Variants in CHRNA7 observed in about 807,000 individuals in gnomAD.
CHRNA7 encodes cholinergic receptor nicotinic alpha 7 subunit.
In CHRNA7, 17 loss-of-function variants were observed where a neutral mutation model predicts 48.0. That is an observed-to-expected ratio of 0.35 (90% CI 0.24 to 0.53). The LOEUF (loss-of-function observed/expected upper bound fraction) is 0.53, where lower values mean the gene tolerates loss of function less well. Ranked by LOEUF, CHRNA7 falls within the 20% of genes least tolerant of loss-of-function variation. The pLI, the probability that CHRNA7 is intolerant of heterozygous loss-of-function variation, is 0.92. For missense variants in CHRNA7, 155 were observed against 577.7 expected (o/e 0.27, Z 7.50); for synonymous variants, 75 against 242.3 (o/e 0.31, Z 6.41).
At chr15:32,063,826 C>G (rs1333852068) in intron 2 of CHRNA7, among the ~76,000 whole-genome samples, 1 of 152,152 alleles carries the variant, frequency 6.6e-6, no homozygotes, top group Non-Finnish European at 1.5e-5. Context: ...TGTCAGGAAC[C>G]ATGGACAAAG....
chr15:32,048,117 T>C (rs1023729457), intron 2 of CHRNA7, among the ~76,000 whole-genome samples: 1 of 152,222 alleles, frequency 6.6e-6, no homozygotes, highest in African/African-American at 2.4e-5. Context: ...ATCAGGGATA[T>C]TGGTCTAAAA....
chr15:32,070,173 A>G (rs2050031276), intron 2 of CHRNA7, among the ~76,000 whole-genome samples: 1 of 152,214 alleles, frequency 6.6e-6, no homozygotes, highest in Non-Finnish European at 1.5e-5. Context: ...CATTCCGACA[A>G]TATAAAGAAC....
intron 2 of CHRNA7, among the ~76,000 whole-genome samples, chr15:32,081,269 A>G (rs1199198938): frequency 4.6e-5 from 7 of 152,212 alleles, no homozygotes; most frequent in Non-Finnish European, 1.0e-4. Context: ...AAACCTGCAC[A>G]TGTATCCCGA....
chr15:32,088,343 A>G (rs2050331263), intron 2 of CHRNA7, among the ~76,000 whole-genome samples: 1 of 152,198 alleles, frequency 6.6e-6, no homozygotes, highest in African/African-American at 2.4e-5. Context: ...CACCTGTTAT[A>G]AGACATCCTG....
chr15:32,123,087 A>T (rs536583921), intron 4 of CHRNA7, among the ~76,000 whole-genome samples: 3 of 152,346 alleles, frequency 2.0e-5, no homozygotes, highest in African/African-American at 7.2e-5. Context: ...AATGAGAAGA[A>T]ACCAAGAAAG....
intron 2 of CHRNA7, among the ~76,000 whole-genome samples, chr15:32,079,782 G>A (rs1399516171): frequency 6.8e-6 from 1 of 147,164 alleles, no homozygotes. Flanking sequence ...CACAAAATTA[G>A]AAAAAAAAAA....
rs1022633116 is a variant in CHRNA7, at chr15:32,047,262, A to G, written c.195+16225A>G. ...ATTGAATCTATAAATTACCTTGGGC[A>G]GTATGGCCATTTTCACGATATTGAT... On this transcript the variant is annotated intron_variant, in intron 2 of 9. Transcript: ENST00000306901. 6.8e-4 allele frequency among the ~76,000 whole-genome samples: 99 copies of G among 146,638 alleles called. No homozygotes were observed. In the South Asian group the frequency reaches 0.021, roughly 30 times the overall value.
chr15:32,049,275 C>G (rs28795395), intron 2 of CHRNA7, among the ~76,000 whole-genome samples: 203 of 151,794 alleles, frequency 1.3e-3, no homozygotes, highest in African/African-American at 4.5e-3. Flanking sequence ...TATTGTGTGG[C>G]AGTCTAAGTC....
chr15:32,096,795 A>G (rs993439072), intron 2 of CHRNA7, among the ~76,000 whole-genome samples: 5 of 152,232 alleles, frequency 3.3e-5, no homozygotes, highest in African/African-American at 1.2e-4. Context: ...GATTATTCAG[A>G]GAGATTGATT....
At chr15:32,133,545 G>A (rs2051193199) in intron 4 of CHRNA7, among the ~76,000 whole-genome samples, 1 of 152,178 alleles carries the variant, frequency 6.6e-6, no homozygotes, top group Non-Finnish European at 1.5e-5. Context: ...GAACTGAGAA[G>A]GCCAGGACCT....
At chr15:32,036,425 T>C (rs1902089645) in intron 2 of CHRNA7, among the ~76,000 whole-genome samples, 1 of 152,174 alleles carries the variant, frequency 6.6e-6, no homozygotes, top group Non-Finnish European at 1.5e-5. Flanking sequence ...GAACATAAGG[T>C]TTCAATCACT....
intron 2 of CHRNA7, among the ~76,000 whole-genome samples, chr15:32,071,888 C>T (rs2050064296): frequency 6.6e-6 from 1 of 151,252 alleles, no homozygotes; most frequent in Non-Finnish European, 1.5e-5. Context: ...ACAAAATGGA[C>T]TAACAGTAAA....
At chr15:32,050,906 G>A (rs1300879042) in intron 2 of CHRNA7, among the ~76,000 whole-genome samples, 1 of 152,144 alleles carries the variant, frequency 6.6e-6, no homozygotes, top group Non-Finnish European at 1.5e-5. Context: ...TTTGCTAGAG[G>A]TCCACTCCAG....
intron 4 of CHRNA7, among the ~76,000 whole-genome samples, chr15:32,126,202 C>G (rs866460056): frequency 5.9e-5 from 9 of 152,278 alleles, no homozygotes; most frequent in African/African-American, 1.7e-4. Flanking sequence ...CTTTGATGTT[C>G]TTAGTAAGCA....
intron 2 of CHRNA7, among the ~76,000 whole-genome samples, chr15:32,087,721 G>A (rs1051876236): frequency 6.6e-6 from 1 of 152,148 alleles, no homozygotes; most frequent in African/African-American, 2.4e-5. Context: ...CAATATACAT[G>A]TACAGTAGTT....
At chr15:32,108,098 C>T (rs1272081154) in intron 3 of CHRNA7, among the ~76,000 whole-genome samples, 2 of 151,960 alleles carry the variant, frequency 1.3e-5, no homozygotes, top group African/African-American at 4.8e-5. Context: ...TCCCCTCCTC[C>T]GCCCTCCCTC....
intron 4 of CHRNA7, among the ~76,000 whole-genome samples, chr15:32,114,061 C>CATATATATATAT (rs35944403): frequency 8.3e-6 from 1 of 120,226 alleles, no homozygotes; most frequent in African/African-American, 3.3e-5. Context: ...TATATATATA[C>CATATATATATAT]ATATATATAT....
intron 3 of CHRNA7, 33 bp from the exon 4 acceptor site, chr15:32,111,757 G>GTGAA (rs771303377): frequency 7.7e-7 from 1 of 1,303,524 alleles, no homozygotes; most frequent in South Asian, 1.2e-5. Flanking sequence ...AGCCAAGGAA[G>GTGAA]TGAAGTGCTG....
At chr15:32,146,941 C>T (rs2051500747) in intron 4 of CHRNA7, among the ~76,000 whole-genome samples, 1 of 152,132 alleles carries the variant, frequency 6.6e-6, no homozygotes. Context: ...CTTTCTGTGC[C>T]AAATGCAACA....
Sources: allele counts gnomAD v4.1 joint callset (sites outside exome capture counted in the v4.1 genomes callset), GRCh38; gene constraint gnomAD v4.1.1; transcripts MANE v1.5; gene names NCBI Gene and HGNC (gene_info 2026-07-23, HGNC 2026-07-21).